CORO1C: variants seen among roughly 807,000 people sequenced by gnomAD.
CORO1C encodes coronin 1C, also known as coronin-1C.
In CORO1C, 14 loss-of-function variants were observed where a neutral mutation model predicts 51.2. The ratio of observed to expected loss-of-function variants is 0.27; its 90% confidence interval spans 0.18 to 0.43. The LOEUF is 0.43. CORO1C is among the 20% of genes least tolerant of loss of function. The pLI, the probability that CORO1C is intolerant of heterozygous loss-of-function variation, is 1.00. For missense variants in CORO1C, 417 were observed against 607.8 expected, an observed-to-expected ratio of 0.69 and a Z score of 3.30; for synonymous variants, 181 against 210.5, an observed-to-expected ratio of 0.86 and a Z score of 1.21.
intron 1 of CORO1C, among the ~76,000 whole-genome samples, chr12:108,717,443 C>T (rs74921457): frequency 1.9e-3 from 284 of 152,244 alleles, no homozygotes; most frequent in African/African-American, 6.6e-3. Context: ...TAAAAGCTCA[C>T]GCTGAATGAA....
intron 2 of CORO1C, among the ~76,000 whole-genome samples, chr12:108,686,438 A>G (rs1336613993): frequency 6.6e-6 from 1 of 152,232 alleles, no homozygotes. Flanking sequence ...TAAAGCTTAG[A>G]GATAGAAAAA....
At chr12:108,688,862 T>C (rs1313876454) in intron 2 of CORO1C, among the ~76,000 whole-genome samples, 1 of 152,118 alleles carries the variant, frequency 6.6e-6, no homozygotes, top group Non-Finnish European at 1.5e-5. Flanking sequence ...AAATCTCGTC[T>C]CTACTAAAAA....
At chr12:108,656,448 C>G (rs1485442648) in intron 6 of CORO1C, among the ~76,000 whole-genome samples, 1 of 151,304 alleles carries the variant, frequency 6.6e-6, no homozygotes, top group Non-Finnish European at 1.5e-5. Context: ...AGCCTCCACC[C>G]GGCCACCACC....
intron 1 of CORO1C, among the ~76,000 whole-genome samples, chr12:108,720,383 A>T (rs947519756): frequency 2.8e-4 from 42 of 152,254 alleles, no homozygotes; most frequent in African/African-American, 9.6e-4. Flanking sequence ...AAAACCCCAA[A>T]ATTTGCTTTA....
At chr12:108,681,936 G>A (rs987535361) in intron 2 of CORO1C, among the ~76,000 whole-genome samples, 6 of 151,826 alleles carry the variant, frequency 4.0e-5, no homozygotes, top group African/African-American at 1.5e-4. Flanking sequence ...TACCATTTAA[G>A]GTAAAAGGCA....
chr12:108,662,443 G>A (rs1217436528), intron 3 of CORO1C, among the ~76,000 whole-genome samples: 1 of 152,084 alleles, frequency 6.6e-6, no homozygotes, highest in Non-Finnish European at 1.5e-5. Flanking sequence ...CCAGGTTGAA[G>A]CAATTCTCCT....
intron 1 of CORO1C, among the ~76,000 whole-genome samples, chr12:108,717,536 C>T (rs1168313638): frequency 6.6e-6 from 1 of 152,174 alleles, no homozygotes. Flanking sequence ...GTTGTCCAGG[C>T]CACAAGTCAC....
intron 6 of CORO1C, among the ~76,000 whole-genome samples, chr12:108,656,902 C>T (rs756418592): frequency 1.3e-5 from 2 of 152,170 alleles, no homozygotes; most frequent in Non-Finnish European, 2.9e-5. Flanking sequence ...CCCAGGGACA[C>T]AAACACTGCG....
At chr12:108,723,706 G>A (rs1307234904) in intron 1 of CORO1C, among the ~76,000 whole-genome samples, 1 of 152,218 alleles carries the variant, frequency 6.6e-6, no homozygotes, top group Non-Finnish European at 1.5e-5. Context: ...CAACCACATT[G>A]TGAAACAATA....
chr12:108,664,430 G>A (rs983543308), intron 3 of CORO1C, among the ~76,000 whole-genome samples: 2 of 152,070 alleles, frequency 1.3e-5, no homozygotes, highest in African/African-American at 4.8e-5. Context: ...CTGAAGAGTG[G>A]GAAAAAGTCA....
chr12:108,728,168 T>A (rs969270206), intron 1 of CORO1C, among the ~76,000 whole-genome samples: 1 of 152,000 alleles, frequency 6.6e-6, no homozygotes, highest in African/African-American at 2.4e-5. Context: ...AAATATAGAG[T>A]TACCATACAA....
chr12:108,684,317 G>A (rs866151126), intron 2 of CORO1C, among the ~76,000 whole-genome samples: 14 of 152,316 alleles, frequency 9.2e-5, no homozygotes, highest in South Asian at 2.1e-4. Context: ...TGTCAGGAAA[G>A]AGGAACTCAT....
chr12:108,666,172 A>G (rs1193182743), intron 3 of CORO1C, among the ~76,000 whole-genome samples: 1 of 152,236 alleles, frequency 6.6e-6, no homozygotes, highest in Non-Finnish European at 1.5e-5. Context: ...CAGTCTCAAA[A>G]TAAAACACGC....
chr12:108,683,552 C>T (rs1035933888), intron 2 of CORO1C, among the ~76,000 whole-genome samples: 1 of 151,630 alleles, frequency 6.6e-6, no homozygotes, highest in Admixed American at 6.6e-5. Flanking sequence ...ACATAACTTA[C>T]AAATAAAGTA....
At chr12:108,709,106 G>T (rs1469399952) in intron 1 of CORO1C, among the ~76,000 whole-genome samples, 3 of 151,976 alleles carry the variant, frequency 2.0e-5, no homozygotes, top group Non-Finnish European at 4.4e-5. Flanking sequence ...GTTGATGGTT[G>T]CAGATTATTT....
In CORO1C at chr12:108,652,277, A is replaced by C; in HGVS notation, c.996T>G (p.Ile332Met). Reference sequence around the variant, plus strand: ...TGACAATCTCGATTCTTTACCTGGCAATCTCACATTTGTTAACATCAAGTC... The same window carrying C: ...TGACAATCTCGATTCTTTACCTGGCCATCTCACATTTGTTAACATCAAGTC... ...KRGLDVNKCE[I>M]ARFFKLHERK... Residue 332 changes from isoleucine (I) to methionine (M), a missense_variant, in exon 8 of 11, where the codon ATT becomes ATG. Transcript: ENST00000261401. 2 of 1,613,048 alleles carry C rather than the reference A, an allele frequency of 1.2e-6. No homozygotes were observed. Among genetic ancestry groups the C allele is most frequent in the Non-Finnish European group, 1.7e-6 (2 of 1,179,470 alleles).
chr12:108,715,072 A>G (rs1258725101), intron 1 of CORO1C, among the ~76,000 whole-genome samples: 1 of 151,972 alleles, frequency 6.6e-6, no homozygotes, highest in Non-Finnish European at 1.5e-5. Context: ...ACAAAAGATA[A>G]AATTCCTAAA....
At chr12:108,701,492 G>C in intron 1 of CORO1C, 169 bp from the exon 2 acceptor site, 1 of 942,142 alleles carries the variant, frequency 1.1e-6, no homozygotes, top group East Asian at 2.7e-5. Flanking sequence ...CACATACCCG[G>C]AGACAACTGC....
In CORO1C at chr12:108,658,071, C is replaced by T. The variant is rs1463213272; in HGVS notation, c.631-648G>A. Among the ~76,000 whole-genome samples the T allele has an allele frequency of 1.3e-5, 2 of 152,184 alleles. No homozygotes were observed. The highest frequency in any genetic ancestry group is 2.1e-4 in the South Asian group (1 of 4,830). On this transcript the variant is annotated intron_variant, in intron 5 of 10. Transcript: ENST00000261401. The surrounding 1 kb of genome is among the most constrained non-coding windows in gnomAD (Gnocchi z 4.9). ...TTACTATGTGTAGTTTCAACACCGA[C>T]TGAAGACCCAAATGTCCATCTTTTG...
Sources: gnomAD v4.1 joint callset for allele counts (sites outside exome capture counted in the v4.1 genomes callset) on GRCh38, gnomAD v4.1.1 for gene constraint, Gnocchi (gnomAD v3.1) non-coding constraint, MANE v1.5 for transcripts, NCBI Gene and HGNC (gene_info 2026-07-23, HGNC 2026-07-21) for gene names.